Variants in CADPS observed in about 807,000 individuals in gnomAD.
CADPS encodes the protein calcium-dependent secretion activator 1.
CADPS carries 57 observed loss-of-function variants against 167.3 expected under a neutral mutation model. The ratio of observed to expected loss-of-function variants is 0.34; its 90% CI spans 0.28 to 0.42. The LOEUF (loss-of-function observed/expected upper bound fraction) is 0.42, where lower values mean the gene tolerates loss of function less well. Among genes scored for constraint, CADPS ranks in the 20% least tolerant of loss-of-function variants. The probability of loss-of-function intolerance (pLI) is 1.00; values close to 1 mark genes in which losing one functional copy is unlikely to be tolerated. For synonymous variants in CADPS, 676 were observed against 635.3 expected (o/e 1.06, Z -0.96); for missense variants, 1,414 against 1,738.1 (o/e 0.81, Z 3.32).
In CADPS at chr3:62,732,653, C is replaced by G. The variant is rs568721747; in HGVS notation, c.888+20788G>C. Among the ~76,000 whole-genome samples the G allele has an allele frequency of 3.9e-5, 6 of 152,342 alleles. No individual in the cohort carries two copies. The South Asian group carries it at 1.2e-3, about 32-fold the overall frequency. On this transcript the variant is annotated intron_variant, in intron 3 of 29. Transcript: ENST00000383710. ...TCACTTATTCAACAAACCTCTTTTG[C>G]AATTTCCTGCAGGCCAGGCAATGGC... is the stretch of plus-strand genomic sequence containing the variant.
At chr3:62,695,734 G>T (rs2080145227) in intron 3 of CADPS, among the ~76,000 whole-genome samples, 1 of 152,022 alleles carries the variant, frequency 6.6e-6, no homozygotes, top group African/African-American at 2.4e-5. Flanking sequence ...GCAGTGGCAT[G>T]ATCATGGCTC....
At chr3:62,461,058 G>T (rs899632118) in intron 26 of CADPS, among the ~76,000 whole-genome samples, 1 of 152,162 alleles carries the variant, frequency 6.6e-6, no homozygotes, top group Non-Finnish European at 1.5e-5. Context: ...TTATTCCTCT[G>T]CAGGGGCCCC....
chr3:62,586,250 G>A (rs1026181688), intron 7 of CADPS, among the ~76,000 whole-genome samples: 7 of 152,194 alleles, frequency 4.6e-5, no homozygotes, highest in African/African-American at 1.7e-4. Context: ...CCTGGTTTGT[G>A]GCACATTGTT....
At chr3:62,572,365 C>A (rs550730798) in intron 8 of CADPS, among the ~76,000 whole-genome samples, 55 of 152,224 alleles carry the variant, frequency 3.6e-4, no homozygotes, top group African/African-American at 1.2e-3. Context: ...TTTCAGTCCC[C>A]ACCCACATTT....
At chr3:62,603,216 A>G (rs1056705515) in intron 6 of CADPS, among the ~76,000 whole-genome samples, 2 of 152,230 alleles carry the variant, frequency 1.3e-5, no homozygotes, top group African/African-American at 4.8e-5. Flanking sequence ...TGCTGAAAAA[A>G]TGATTTCAAG....
At chr3:62,646,616 A>C (rs978138410) in intron 5 of CADPS, among the ~76,000 whole-genome samples, 1 of 152,244 alleles carries the variant, frequency 6.6e-6, no homozygotes, top group Non-Finnish European at 1.5e-5. Flanking sequence ...TCAGCATTAG[A>C]TTCAGAGATG....
intron 6 of CADPS, among the ~76,000 whole-genome samples, chr3:62,629,370 T>C (rs1056385100): frequency 6.6e-6 from 1 of 152,212 alleles, no homozygotes; most frequent in African/African-American, 2.4e-5. Flanking sequence ...AATCAGATAA[T>C]ATGTGGTCTT....
At chr3:62,853,656 A>C (rs575825059) in intron 1 of CADPS, among the ~76,000 whole-genome samples, 47 of 151,252 alleles carry the variant, frequency 3.1e-4, no homozygotes, top group South Asian at 8.4e-4. Flanking sequence ...AAAAGAAAAG[A>C]AAGCATCTAA....
intron 1 of CADPS, among the ~76,000 whole-genome samples, chr3:62,817,301 T>C (rs1022731497): frequency 6.6e-6 from 1 of 152,162 alleles, no homozygotes; most frequent in Middle Eastern, 3.2e-3. Context: ...TTTTGCTGAA[T>C]GATGGTGAGC....
intron 21 of CADPS, among the ~76,000 whole-genome samples, chr3:62,482,270 A>G (rs1302290224): frequency 6.6e-6 from 1 of 152,174 alleles, no homozygotes; most frequent in African/African-American, 2.4e-5. Context: ...GAAATGGTGG[A>G]GCACTTCAAT....
intron 28 of CADPS, among the ~76,000 whole-genome samples, chr3:62,405,145 G>C (rs1041506584): frequency 2.4e-4 from 36 of 150,072 alleles, no homozygotes; most frequent in Non-Finnish European, 2.5e-4. Context: ...CTGGGGGGGG[G>C]GGGGGCTCAA....
At position 62,592,674 on chromosome 3, in the gene CADPS, G is replaced by A. The variant is rs758393871; in HGVS notation, c.1400C>T (p.Thr467Ile). The part of the protein sequence containing the change: ...AVKVKLFTES[T>I]GVLALEDKEL... ...CTTGTCCTCCAACGCCAGGACGCCT[G>A]TGCTCTCTGTGAACAGCTTCACCTT... is the stretch of plus-strand genomic sequence containing the variant. The change falls in exon 7 of 30, where the codon ACA (threonine) becomes ATA (isoleucine). Residue 467 changes from threonine (T) to isoleucine (I), a missense_variant. Thr to Ile is a moderately conservative substitution (Grantham distance 89, BLOSUM62 -1). Around this residue, in one of 6 missense-constraint regions of CADPS, gnomAD observed 157 missense variants for 229.4 expected, o/e 0.68. Transcript: ENST00000383710. The A allele has an allele frequency of 6.2e-7, 1 of 1,613,964 alleles. No individual in the cohort carries two copies. Among genetic ancestry groups the A allele is most frequent in the African/African-American group, 1.3e-5 (1 of 74,936 alleles).
chr3:62,552,485 G>T (rs530582914), intron 10 of CADPS, among the ~76,000 whole-genome samples: 2 of 152,180 alleles, frequency 1.3e-5, no homozygotes, highest in Non-Finnish European at 2.9e-5. Flanking sequence ...AGATTACTCA[G>T]CATTCTCTAG....
At chr3:62,667,941 AGCTTCAGAG>A (rs957754866) in intron 3 of CADPS, among the ~76,000 whole-genome samples, 1 of 152,148 alleles carries the variant, frequency 6.6e-6, no homozygotes, top group Admixed American at 6.5e-5. Flanking sequence ...CCTCCTTATT[AGCTTCAGAG>A]GCCTTGGAGA....
intron 1 of CADPS, among the ~76,000 whole-genome samples, chr3:62,797,613 A>T (rs1482290122): frequency 6.6e-6 from 1 of 152,138 alleles, no homozygotes; most frequent in Non-Finnish European, 1.5e-5. Flanking sequence ...GAGCTAAATG[A>T]TGAGAACACA....
intron 3 of CADPS, among the ~76,000 whole-genome samples, chr3:62,752,181 G>A (rs1032785416): frequency 5.3e-5 from 8 of 152,110 alleles, no homozygotes; most frequent in Non-Finnish European, 8.8e-5. Flanking sequence ...GGAGGCTAAC[G>A]CCACCTGCTT....
At position 62,851,515 on chromosome 3, in the gene CADPS, A is replaced by G. The variant is rs1252323624; in HGVS notation, c.441+23074T>C. On this transcript the variant is annotated intron_variant, in intron 1 of 29. Transcript: ENST00000383710. ...CCTTTGCTTGTCTGTAAAGTATTTT[A>G]TTTCTCCTTCACTTATGAAGCTTAG... 2.0e-5 allele frequency among the ~76,000 whole-genome samples: 3 copies of G among 147,962 alleles called. 1 individual carries two copies. Among genetic ancestry groups the G allele is most frequent in the Non-Finnish European group, 4.5e-5 (3 of 66,960 alleles).
intron 9 of CADPS, among the ~76,000 whole-genome samples, chr3:62,568,721 C>T (rs1020767347): frequency 3.3e-5 from 5 of 152,168 alleles, no homozygotes; most frequent in African/African-American, 9.7e-5. Context: ...AATAAATGCC[C>T]TTTCTTATAT....
At chr3:62,599,209 G>A (rs1385270451) in intron 6 of CADPS, among the ~76,000 whole-genome samples, 1 of 151,958 alleles carries the variant, frequency 6.6e-6, no homozygotes, top group Non-Finnish European at 1.5e-5. Flanking sequence ...ACTTCTCTCT[G>A]AAGATGAAGT....
Sources: allele counts gnomAD v4.1 joint callset (sites outside exome capture counted in the v4.1 genomes callset), GRCh38; gene constraint gnomAD v4.1.1; regional missense constraint gnomAD v4.1.1; transcripts MANE v1.5; gene names NCBI Gene and HGNC (gene_info 2026-07-23, HGNC 2026-07-21).